RARB: variants seen among roughly 807,000 people sequenced by gnomAD.
RARB encodes the protein retinoic acid receptor beta.
Under a neutral mutation model 51.9 loss-of-function variants are expected in RARB, and 17 were observed. That is an observed-to-expected ratio of 0.33 (90% CI 0.22 to 0.49). The LOEUF (loss-of-function observed/expected upper bound fraction) is 0.49, where lower values mean the gene tolerates loss of function less well. Ranked by LOEUF, RARB falls within the 20% of genes least tolerant of loss-of-function variation. The pLI, the probability that RARB is intolerant of heterozygous loss-of-function variation, is 0.99. For missense variants in RARB, 369 were observed against 550.8 expected, an observed-to-expected ratio of 0.67 and a Z score of 3.30; for synonymous variants, 215 against 195.4, an observed-to-expected ratio of 1.10 and a Z score of -0.84.
At chr3:25,028,393 G>T (rs1697798451) in intron 2 of RARB, among the ~76,000 whole-genome samples, 1 of 152,156 alleles carries the variant, frequency 6.6e-6, no homozygotes, top group African/African-American at 2.4e-5. Context: ...GAAGTCCCTG[G>T]ACCAGCAGTA....
intron 1 of RARB, among the ~76,000 whole-genome samples, chr3:25,454,309 A>G (rs1323938082): frequency 6.6e-6 from 1 of 152,224 alleles, no homozygotes; most frequent in Non-Finnish European, 1.5e-5. Flanking sequence ...ATCCACAGAA[A>G]AAGGGAGAAA....
chr3:25,174,441 G>C, exon 5 of RARB: 1 of 1,352,148 alleles, frequency 7.4e-7, no homozygotes, highest in Non-Finnish European at 9.8e-7. Context: ...GCAGTGAACG[G>C]ACACATGACT....
intron 5 of RARB, among the ~76,000 whole-genome samples, chr3:25,340,557 G>GA (rs1317906281): frequency 6.6e-6 from 1 of 152,158 alleles, no homozygotes; most frequent in African/African-American, 2.4e-5. Flanking sequence ...GTGTGGCTCT[G>GA]ACCAAAACAA....
intron 2 of RARB, among the ~76,000 whole-genome samples, chr3:24,899,363 A>G (rs1168484173): frequency 6.6e-6 from 1 of 152,202 alleles, no homozygotes; most frequent in Non-Finnish European, 1.5e-5. Flanking sequence ...TGGATTCGGC[A>G]GCCTAGAATA....
At chr3:25,036,214 C>T (rs553473201) in intron 2 of RARB, among the ~76,000 whole-genome samples, 2 of 152,090 alleles carry the variant, frequency 1.3e-5, no homozygotes, top group African/African-American at 2.4e-5. Flanking sequence ...GAAACAAGAA[C>T]CTCCTTGCGG....
intron 5 of RARB, among the ~76,000 whole-genome samples, chr3:25,391,318 C>T (rs1347000776): frequency 6.6e-6 from 1 of 152,044 alleles, no homozygotes; most frequent in African/African-American, 2.4e-5. Context: ...GGGCTGGTTC[C>T]ATATTTTTGC....
chr3:25,354,029 A>T (rs55876605), intron 5 of RARB, among the ~76,000 whole-genome samples: 26,306 of 116,318 alleles, frequency 0.23, 3,050 homozygotes, highest in Admixed American at 0.36. Flanking sequence ...ATTCCTTTCC[A>T]CCCCAAACCC....
intron 5 of RARB, among the ~76,000 whole-genome samples, chr3:25,317,314 C>T (rs183355041): frequency 6.6e-6 from 1 of 151,722 alleles, no homozygotes; most frequent in African/African-American, 2.4e-5. Flanking sequence ...AGGAAGGAAG[C>T]GAAGGTAGGT....
chr3:25,501,017 CTA>C (rs776485534), intron 2 of RARB, among the ~76,000 whole-genome samples, 163 bp from the exon 3 acceptor site: 5 of 152,028 alleles, frequency 3.3e-5, no homozygotes, highest in Non-Finnish European at 7.4e-5. Context: ...AAGGAAGAAA[CTA>C]TTGATATCTC....
chr3:25,132,255 C>A (rs1699965909), intron 4 of RARB, among the ~76,000 whole-genome samples: 1 of 151,760 alleles, frequency 6.6e-6, no homozygotes, highest in African/African-American at 2.4e-5. Context: ...GGAAAAGCAT[C>A]TATGTTTAAT....
chr3:25,365,888 C>T (rs1706103250), intron 5 of RARB, among the ~76,000 whole-genome samples: 1 of 152,192 alleles, frequency 6.6e-6, no homozygotes, highest in African/African-American at 2.4e-5. Context: ...CACATGGCAA[C>T]ATTTCTGCCA....
intron 2 of RARB, among the ~76,000 whole-genome samples, chr3:24,961,346 T>C (rs1409271771): frequency 1.3e-5 from 2 of 152,242 alleles, no homozygotes; most frequent in Admixed American, 6.5e-5. Context: ...AATGAATAAC[T>C]GGAAGTAACA....
At chr3:25,121,347 T>G (rs1297140174) in intron 3 of RARB, among the ~76,000 whole-genome samples, 1 of 152,160 alleles carries the variant, frequency 6.6e-6, no homozygotes, top group Non-Finnish European at 1.5e-5. Flanking sequence ...GCTCACCTCC[T>G]TTTCAGTTTT....
intron 5 of RARB, among the ~76,000 whole-genome samples, chr3:25,229,915 C>T (rs528980064): frequency 3.9e-5 from 6 of 152,026 alleles, no homozygotes; most frequent in Non-Finnish European, 7.4e-5. Flanking sequence ...TTTAGGTACA[C>T]GCTGTAATGA....
chr3:25,514,633 C>T (rs756363105), intron 3 of RARB, among the ~76,000 whole-genome samples: 11 of 152,124 alleles, frequency 7.2e-5, no homozygotes, highest in Non-Finnish European at 1.3e-4. Flanking sequence ...GGGATTATAA[C>T]GTCAGTTGGT....
intron 4 of RARB, among the ~76,000 whole-genome samples, chr3:25,171,643 T>TCAAAAAAAAAA (rs1553639737): frequency 2.2e-5 from 1 of 45,462 alleles, no homozygotes; most frequent in African/African-American, 8.2e-5. Flanking sequence ...CCCTGGTTGG[T>TCAAAAAAAAAA]AAAAAAAAAA....
intron 2 of RARB, among the ~76,000 whole-genome samples, chr3:24,895,435 T>G (rs1398766869): frequency 1.3e-5 from 2 of 152,212 alleles, no homozygotes; most frequent in Non-Finnish European, 2.9e-5. Flanking sequence ...TCAGAAGGAC[T>G]GGGATGAAGC....
intron 2 of RARB, among the ~76,000 whole-genome samples, chr3:24,972,584 A>G (rs1487325395): frequency 6.6e-6 from 1 of 151,966 alleles, no homozygotes; most frequent in Admixed American, 6.6e-5. Context: ...TATAGTGGCT[A>G]CACTAATTTA....
At chr3:25,064,626 A>G (rs1698624293) in intron 3 of RARB, among the ~76,000 whole-genome samples, 1 of 152,136 alleles carries the variant, frequency 6.6e-6, no homozygotes, top group African/African-American at 2.4e-5. Context: ...AGTTAGGGAA[A>G]ATAGGAAGAG....
Sources: gnomAD v4.1 joint callset for allele counts (sites outside exome capture counted in the v4.1 genomes callset) on GRCh38, gnomAD v4.1.1 for gene constraint, MANE v1.5 for transcripts, NCBI Gene and HGNC (gene_info 2026-07-23, HGNC 2026-07-21) for gene names.